Variants in TAT observed in about 807,000 individuals in gnomAD.
The protein encoded by TAT is L-tyrosine:2-oxoglutarate aminotransferase.
In TAT, 35 loss-of-function variants were observed where a neutral mutation model predicts 53.6. That is an observed-to-expected ratio of 0.65 (90% CI 0.50 to 0.87). TAT has a LOEUF of 0.87. TAT is among the 40% of genes least tolerant of loss of function. The pLI, the probability that TAT is intolerant of heterozygous loss-of-function variation, is 0.00. For missense variants in TAT, 525 were observed against 571.8 expected, an observed-to-expected ratio of 0.92 and a Z score of 0.83; for synonymous variants, 197 against 206.5, an observed-to-expected ratio of 0.95 and a Z score of 0.39.
Position 71,568,160 on chromosome 16 carries a change from T to C in TAT, c.1349A>G (p.Glu450Gly), listed in dbSNP as rs772744556. 1 of 1,614,246 alleles carries C rather than the reference T, an allele frequency of 6.2e-7. No homozygotes were observed. The highest frequency in any genetic ancestry group is 8.5e-7 in the Non-Finnish European group (1 of 1,180,050). Residue 450 changes from glutamate to glycine, a missense_variant, in exon 12 of 12, where the codon GAG becomes GGG. Physicochemically the swap from Glu to Gly is moderately conservative, Grantham distance 98 (BLOSUM62 -2). Transcript: ENST00000355962. ...QHYHCAEGSQEECDK is the reference protein window; with the variant it reads ...QHYHCAEGSQGECDK ...GATGCAGGCCTATTTATCACACTCC[T>C]CCTGGCTGCCTTCAGCACAATGGTA...
At position 71,572,630 on chromosome 16, in the gene TAT, G is replaced by A; in HGVS notation, c.467C>T (p.Ala156Val). The A allele has an allele frequency of 6.2e-7, 1 of 1,614,218 alleles. No homozygotes were observed. Reference protein sequence around the residue: ...QAIDLCLAVLANPGQNILVPR... With the variant: ...QAIDLCLAVLVNPGQNILVPR... Reference sequence around the variant, plus strand: ...AACCAGGATGTTTTGCCCTGGGTTGGCCAACACAGCTAAACAAAGGTCAAT... The same window carrying A: ...AACCAGGATGTTTTGCCCTGGGTTGACCAACACAGCTAAACAAAGGTCAAT... Residue 156 changes from alanine (A) to valine (V), a missense_variant, in exon 5 of 12, where the codon GCC becomes GTC. Coordinates refer to ENST00000355962, the MANE Select transcript of TAT (RefSeq NM_000353.3).
Position 71,576,251 on chromosome 16 carries a change from G to A in TAT, c.165C>T (p.Pro55=), listed in dbSNP as rs755705181. ...TCATGTTGTCCACAATGGCTCGGAT[G>A]GGGTTGAAAGTTTTCTTGGCCATGT... ...PSDMAKKTFN[P]IRAIVDNMKV... is the part of the protein sequence containing the mutation. The change falls in exon 2 of 12, where the codon CCC becomes CCT. Residue 55 remains proline, a synonymous_variant. Transcript: ENST00000355962. The A allele has an allele frequency of 1.2e-6, 2 of 1,614,180 alleles. No homozygotes were observed. The highest frequency in any genetic ancestry group is 1.1e-5 in the South Asian group (1 of 91,082).
intron 2 of TAT, 51 bp downstream of exon 2, chr16:71,576,130 A>G: frequency 1.2e-6 from 2 of 1,609,242 alleles, no homozygotes; most frequent in Non-Finnish European, 1.7e-6. Flanking sequence ...GCCTGTGAAC[A>G]TGAGAGTAGA....
intron 3 of TAT, among the ~76,000 whole-genome samples, chr16:71,574,763 C>G (rs1410557221): frequency 6.6e-6 from 1 of 151,996 alleles, no homozygotes; most frequent in Non-Finnish European, 1.5e-5. Flanking sequence ...TCAGCAGTTT[C>G]ATGCCCATCA....
At chr16:71,574,581 CAAAAA>C (rs71389677) in intron 3 of TAT, among the ~76,000 whole-genome samples, 6,160 of 79,570 alleles carry the variant, frequency 0.077, 103 homozygotes, top group Middle Eastern at 0.17. Flanking sequence ...AACTTCGTCT[CAAAAA>C]AAAAAAAAAA....
Position 71,570,354 on chromosome 16 carries a change from G to A in TAT, c.956C>T (p.Pro319Leu). Residue 319 changes from proline (P) to leucine (L), a missense_variant, in exon 9 of 12, where the codon CCC (proline) becomes CTC (leucine). By Grantham distance (98) the Pro-to-Leu change is moderately conservative. Transcript: ENST00000355962. ...CAGAGCTCCCTGGACAATGGTACAG[G>A]GTCCCAAAATGCGCTGACTCAGCTT... ...LVKLSQRILG[P>L]CTIVQGALKS... 1 of 1,614,082 alleles carries A rather than the reference G, an allele frequency of 6.2e-7. No individual in the cohort carries two copies. Among genetic ancestry groups the A allele is most frequent in the East Asian group, 2.2e-5 (1 of 44,862 alleles).
At chr16:71,572,488 T>C in intron 5 of TAT, 42 bp downstream of exon 5, 1 of 1,613,696 alleles carries the variant, frequency 6.2e-7, no homozygotes, top group Non-Finnish European at 8.5e-7. Context: ...TTTTACAGGT[T>C]AGTAACTGAG....
At chr16:71,570,036 G>A (rs992528249) in intron 9 of TAT, 99 bp from the exon 10 acceptor site, 17 of 1,333,108 alleles carry the variant, frequency 1.3e-5, no homozygotes, top group African/African-American at 2.9e-5. Flanking sequence ...GGGAACGTAG[G>A]TGTGATGTTC....
chr16:71,571,519 TAGG>T, intron 7 of TAT, 84 bp downstream of exon 7: 1 of 1,213,944 alleles, frequency 8.2e-7, no homozygotes, highest in South Asian at 1.2e-5. Flanking sequence ...ATGAAACGAT[TAGG>T]AGTTGTTTCT....
chr16:71,571,650 G>A lies in TAT; in HGVS notation c.715C>T (p.Arg239Trp), dbSNP rs779258482. ...HLQKILAVAA[R>W]QCVPILADEI... Reference sequence around the variant, plus strand: ...TCAGCTAAGATGGGGACACACTGCCGTGCAGCCACTGAAAATAAAACATGC... The same window carrying A: ...TCAGCTAAGATGGGGACACACTGCCATGCAGCCACTGAAAATAAAACATGC... The change falls in exon 7 of 12, where the codon CGG becomes TGG. Residue 239 changes from arginine (R) to tryptophan (W), a missense_variant. Transcript: ENST00000355962. The A allele has an allele frequency of 6.2e-6, 10 of 1,613,976 alleles. No individual in the cohort carries two copies. Among genetic ancestry groups the A allele is most frequent in the African/African-American group, 4.0e-5 (3 of 74,934 alleles).
At chr16:71,573,681 A>G in intron 3 of TAT, 75 bp from the exon 4 acceptor site, 1 of 1,333,040 alleles carries the variant, frequency 7.5e-7, no homozygotes, top group Non-Finnish European at 1.1e-6. Context: ...CCGGACTTGG[A>G]GTGCAGTGAC....
chr16:71,572,114 T>C, intron 6 of TAT, 72 bp downstream of exon 6: 1 of 1,598,040 alleles, frequency 6.3e-7, no homozygotes, highest in Non-Finnish European at 8.6e-7. Context: ...GAATGACTGG[T>C]TTTTGTCATT....
intron 6 of TAT, 99 bp downstream of exon 6, chr16:71,572,087 C>T: frequency 2.0e-6 from 3 of 1,525,782 alleles, no homozygotes; most frequent in Non-Finnish European, 2.7e-6. Context: ...ACCTCCACCC[C>T]AGGCTTGGAA....
intron 7 of TAT, among the ~76,000 whole-genome samples, chr16:71,571,327 AAATATAT>A (rs2044201638): frequency 6.6e-6 from 1 of 152,200 alleles, no homozygotes; most frequent in South Asian, 2.1e-4. Context: ...CACTCTTAAC[AAATATAT>A]AGATCCACAA....
chr16:71,576,378 T>C lies in TAT; in HGVS notation c.38A>G (p.Asn13Ser), dbSNP rs1389322305. The C allele has an allele frequency of 6.2e-7, 1 of 1,614,030 alleles. No individual in the cohort carries two copies. The highest frequency in any genetic ancestry group is 1.7e-5 in the Admixed American group (1 of 60,002). ...ATGCACGTCCAGAATTGAGGGGAGG[T>C]TGCCTTTGCTGCTCATCTGAATCAT... ...PYMIQMSSKGNLPSILDVHVN... is the reference protein window; with the variant it reads ...PYMIQMSSKGSLPSILDVHVN... The change falls in exon 2 of 12, where the codon AAC becomes AGC. Residue 13 changes from asparagine to serine, a missense_variant. Asn to Ser is a conservative substitution (Grantham distance 46). Transcript: ENST00000355962.
At chr16:71,571,485 G>C (rs761754537) in intron 7 of TAT, 121 bp downstream of exon 7, 1 of 925,360 alleles carries the variant, frequency 1.1e-6, no homozygotes, top group Non-Finnish European at 1.7e-6. Context: ...TTTGTAAAAA[G>C]TGCAGGGATG....
intron 11 of TAT, 92 bp downstream of exon 11, chr16:71,568,619 G>A (rs1341458308): frequency 2.2e-5 from 21 of 949,592 alleles, no homozygotes; most frequent in Non-Finnish European, 2.7e-5. Flanking sequence ...CATTTTGTTG[G>A]AGGAGAAAAG....
At position 71,566,152 on chromosome 16, in the gene TAT, A is replaced by G. The variant is rs528803237; in HGVS notation, c.*1992T>C. ...ATACGGGAAACTGAAATCTTTATCT[A>G]ATCTCATCCTTTGTATATTCGTCTT... On this transcript the variant is annotated 3_prime_UTR_variant, in exon 12 of 12. Transcript: ENST00000355962. 6.6e-6 allele frequency: 1 copy of G among 152,176 alleles called. No individual in the cohort carries two copies. 9.4% of individuals were successfully genotyped at this position (152,176 alleles called of 1,614,324 possible). A position where few individuals can be genotyped will look rare whatever the true frequency, so the allele number is the denominator to read the frequency against.
At position 71,572,292 on chromosome 16, in the gene TAT, T is replaced by C. The variant is rs2044208386; in HGVS notation, c.600A>G (p.Gln200=). ...PEKSWEIDLK[Q]LEYLIDEKTA... The stretch of plus-strand genomic sequence containing the variant: ...TCTTTTCATCAATTAGATATTCCAG[T>C]TGTTTCAGGTCAATTTCCCAAGATT... Residue 200 remains glutamine, a synonymous_variant, in exon 6 of 12, where the codon CAA becomes CAG. Transcript: ENST00000355962. 1 of 1,614,102 alleles carries C rather than the reference T, an allele frequency of 6.2e-7. No individual in the cohort carries two copies. The highest frequency in any genetic ancestry group is 8.5e-7 in the Non-Finnish European group (1 of 1,180,034).
Sources: gnomAD v4.1 joint callset for allele counts (sites outside exome capture counted in the v4.1 genomes callset) on GRCh38, gnomAD v4.1.1 for gene constraint, MANE v1.5 for transcripts, NCBI Gene and HGNC (gene_info 2026-07-23, HGNC 2026-07-21) for gene names.